Variants in DLGAP4 observed in about 807,000 individuals in gnomAD.
DLGAP4 encodes disks large-associated protein 4.
DLGAP4 carries 18 observed loss-of-function variants against 86.9 expected under a neutral mutation model. The observed-to-expected ratio is 0.21, with a 90% confidence interval of 0.14 to 0.31. DLGAP4 has a LOEUF of 0.31. DLGAP4 is among the 10% of genes least tolerant of loss of function. The probability of loss-of-function intolerance (pLI) is 1.00; values close to 1 mark genes in which losing one functional copy is unlikely to be tolerated. For synonymous variants in DLGAP4, 548 were observed against 574.3 expected (o/e 0.95, Z 0.65); for missense variants, 1,085 against 1,362.6 (o/e 0.80, Z 3.21).
At chr20:36,508,419 G>GTTTTTTTTTTTTTTTTTTTTTTTTTT (rs1569523131) in intron 10 of DLGAP4, 3 of 134,604 alleles carry the variant, frequency 2.2e-5, no homozygotes, top group African/African-American at 8.9e-5. Flanking sequence ...ATGTTTCAGG[G>GTTTTTTTTTTTTTTTTTTTTTTTTTT]TTCTTTTTTT....
intron 2 of DLGAP4, among the ~76,000 whole-genome samples, chr20:36,371,740 GTC>G (rs934830151): frequency 1.3e-5 from 2 of 152,114 alleles, no homozygotes; most frequent in African/African-American, 4.8e-5. Context: ...TTCATAGTGT[GTC>G]GTAGAGGTTT....
At chr20:36,342,228 C>T (rs1761986942) in intron 1 of DLGAP4, among the ~76,000 whole-genome samples, 1 of 152,208 alleles carries the variant, frequency 6.6e-6, no homozygotes, top group African/African-American at 2.4e-5. Context: ...GTGCCTCAGA[C>T]TCCTCTTTGG....
At chr20:36,352,027 G>C (rs1198314230) in intron 1 of DLGAP4, among the ~76,000 whole-genome samples, 1 of 152,190 alleles carries the variant, frequency 6.6e-6, no homozygotes, top group Non-Finnish European at 1.5e-5. Flanking sequence ...GTCCAGGAAG[G>C]CCTCTCTGAG....
At chr20:36,486,469 A>AT (rs2035417511) in intron 7 of DLGAP4, among the ~76,000 whole-genome samples, 2 of 152,090 alleles carry the variant, frequency 1.3e-5, no homozygotes. Flanking sequence ...TGGCAGGTCC[A>AT]AAGGCCCCAC....
chr20:36,434,339 C>G (rs2033212463), intron 3 of DLGAP4, among the ~76,000 whole-genome samples: 1 of 152,180 alleles, frequency 6.6e-6, no homozygotes, highest in African/African-American at 2.4e-5. Flanking sequence ...AGACTATTTT[C>G]TTTTTCAATA....
intron 1 of DLGAP4, among the ~76,000 whole-genome samples, chr20:36,349,104 C>CAAAAA (rs539585564): frequency 4.0e-4 from 16 of 39,900 alleles, no homozygotes; most frequent in East Asian, 1.9e-3. Flanking sequence ...GACTCCATCT[C>CAAAAA]AAAAAAAAAA....
chr20:36,480,322 G>A (rs1413840411), intron 7 of DLGAP4, among the ~76,000 whole-genome samples: 1 of 152,190 alleles, frequency 6.6e-6, no homozygotes, highest in Non-Finnish European at 1.5e-5. Context: ...TGAAGCCCTG[G>A]TGTTAGTCCT....
intron 10 of DLGAP4, among the ~76,000 whole-genome samples, chr20:36,516,623 G>A (rs565937525): frequency 3.4e-5 from 5 of 145,774 alleles, no homozygotes; most frequent in Admixed American, 7.1e-5. Flanking sequence ...CCCAGATTGC[G>A]CCATTGCATT....
intron 1 of DLGAP4, among the ~76,000 whole-genome samples, chr20:36,356,317 G>T (rs2030325064): frequency 6.6e-6 from 1 of 152,106 alleles, no homozygotes; most frequent in Admixed American, 6.5e-5. Flanking sequence ...TTGTTTGTTT[G>T]TTTGTTTGTT....
chr20:36,475,690 A>G (rs2034879686), intron 7 of DLGAP4, among the ~76,000 whole-genome samples: 1 of 152,228 alleles, frequency 6.6e-6, no homozygotes. Context: ...TCACAAATAC[A>G]GTTAACTCAA....
At chr20:36,448,186 T>TA (rs963274071) in intron 7 of DLGAP4, among the ~76,000 whole-genome samples, 1 of 151,950 alleles carries the variant, frequency 6.6e-6, no homozygotes, top group Non-Finnish European at 1.5e-5. Context: ...ACCCGGACTC[T>TA]AAAAAAATTA....
chr20:36,429,208 A>G (rs2033060744), intron 2 of DLGAP4, among the ~76,000 whole-genome samples: 1 of 151,744 alleles, frequency 6.6e-6, no homozygotes, highest in Non-Finnish European at 1.5e-5. Context: ...CCTCCCAAGT[A>G]GCTGGGATTA....
chr20:36,379,219 G>A (rs965672768), intron 2 of DLGAP4, among the ~76,000 whole-genome samples: 3 of 152,264 alleles, frequency 2.0e-5, no homozygotes, highest in East Asian at 1.9e-4. Context: ...AGGAGGCAGC[G>A]AGAACAAAGG....
At chr20:36,426,763 C>T (rs989792988) in intron 2 of DLGAP4, among the ~76,000 whole-genome samples, 3 of 152,012 alleles carry the variant, frequency 2.0e-5, no homozygotes, top group South Asian at 2.1e-4. Flanking sequence ...GTAATACCTA[C>T]GGGAAATAGG....
chr20:36,499,304 G>T (rs776927328), intron 8 of DLGAP4: 3 of 1,613,776 alleles, frequency 1.9e-6, no homozygotes, highest in Admixed American at 1.7e-5. Flanking sequence ...CGATCGATGT[G>T]ATGGCACCCT....
intron 2 of DLGAP4, among the ~76,000 whole-genome samples, chr20:36,410,357 G>A (rs1443129030): frequency 6.6e-6 from 1 of 152,206 alleles, no homozygotes; most frequent in Non-Finnish European, 1.5e-5. Context: ...AGCCATTGCA[G>A]AAGGAAGTGG....
At chr20:36,399,008 C>A (rs1034310572) in intron 2 of DLGAP4, among the ~76,000 whole-genome samples, 1 of 152,140 alleles carries the variant, frequency 6.6e-6, no homozygotes, top group African/African-American at 2.4e-5. Context: ...GTCTGGGCAA[C>A]AAGGCAAAAC....
chr20:36,458,068 A>G (rs1485151130), intron 7 of DLGAP4, among the ~76,000 whole-genome samples: 3 of 151,840 alleles, frequency 2.0e-5, no homozygotes, highest in African/African-American at 7.2e-5. Flanking sequence ...GGAGAGAGCC[A>G]TGGTAAGAGG....
At chr20:36,499,231 T>A in intron 8 of DLGAP4, 1 of 1,604,976 alleles carries the variant, frequency 6.2e-7, no homozygotes, top group Non-Finnish European at 8.5e-7. Flanking sequence ...TTCTCTCTGA[T>A]GCGTGTGAAG....
Sources: gnomAD v4.1 joint callset for allele counts (sites outside exome capture counted in the v4.1 genomes callset) on GRCh38, gnomAD v4.1.1 for gene constraint, MANE v1.5 for transcripts, NCBI Gene and HGNC (gene_info 2026-07-23, HGNC 2026-07-21) for gene names.